Variants in SH3D19 observed in about 807,000 individuals in gnomAD.
The protein encoded by SH3D19 is SH3 domain-containing protein 19.
A neutral mutation model predicts 112.1 loss-of-function variants in SH3D19; 58 were observed. That is an observed-to-expected ratio of 0.52 (90% confidence interval 0.42 to 0.64). The LOEUF is 0.64. Ranked by LOEUF, SH3D19 falls within the 30% of genes least tolerant of loss-of-function variation. The pLI is 0.00. For synonymous variants in SH3D19, 391 were observed against 448.5 expected (o/e 0.87, Z 1.62); for missense variants, 1,090 against 1,263.4 (o/e 0.86, Z 2.08).
intron 2 of SH3D19, among the ~76,000 whole-genome samples, chr4:151,188,302 T>A (rs913846840): frequency 2.0e-5 from 3 of 152,224 alleles, no homozygotes; most frequent in African/African-American, 7.2e-5. Flanking sequence ...TACAACTGTT[T>A]ACAGTAATAC....
chr4:151,218,171 G>T (rs1177757082), intron 2 of SH3D19, among the ~76,000 whole-genome samples: 1 of 152,072 alleles, frequency 6.6e-6, no homozygotes, highest in Non-Finnish European at 1.5e-5. Flanking sequence ...AGAAAAATTT[G>T]CAGAGAAATA....
At chr4:151,254,686 T>C (rs1488537797) in intron 1 of SH3D19, among the ~76,000 whole-genome samples, 1 of 150,620 alleles carries the variant, frequency 6.6e-6, no homozygotes, top group Admixed American at 6.6e-5. Context: ...GTTTTCTTAG[T>C]ACAGAACAAA....
chr4:151,257,860 G>A (rs897020882), intron 1 of SH3D19, among the ~76,000 whole-genome samples: 4 of 152,118 alleles, frequency 2.6e-5, no homozygotes, highest in African/African-American at 7.2e-5. Flanking sequence ...AGTATGCTAC[G>A]ATCATGCCAC....
At chr4:151,216,337 T>C (rs559791029) in intron 2 of SH3D19, among the ~76,000 whole-genome samples, 16 of 152,090 alleles carry the variant, frequency 1.1e-4, no homozygotes, top group African/African-American at 3.6e-4. Flanking sequence ...GGGAAAATAT[T>C]TGAATAAAAA....
intron 8 of SH3D19, among the ~76,000 whole-genome samples, chr4:151,162,655 C>T (rs1016944190): frequency 1.4e-5 from 2 of 143,406 alleles, no homozygotes; most frequent in African/African-American, 2.6e-5. Flanking sequence ...AGGGCAATGG[C>T]GTGATCTCAG....
At chr4:151,179,462 T>A in intron 3 of SH3D19, 65 bp from the exon 4 acceptor site, 1 of 913,206 alleles carries the variant, frequency 1.1e-6, no homozygotes, top group Non-Finnish European at 1.4e-6. Flanking sequence ...TTTAAATTTT[T>A]ACAAAGTACA....
At chr4:151,299,677 A>T (rs781297872) in intron 1 of SH3D19, among the ~76,000 whole-genome samples, 8 of 152,042 alleles carry the variant, frequency 5.3e-5, no homozygotes, top group Non-Finnish European at 1.0e-4. Flanking sequence ...GAGTTCAATG[A>T]AGTTATTTTA....
intron 1 of SH3D19, among the ~76,000 whole-genome samples, chr4:151,255,876 C>T (rs564590902): frequency 2.2e-4 from 34 of 152,318 alleles, no homozygotes; most frequent in Middle Eastern, 6.8e-3. Flanking sequence ...ACCAGTCAGG[C>T]GTGGCGGTGC....
chr4:151,270,023 T>TC (rs1160794787), intron 1 of SH3D19, among the ~76,000 whole-genome samples: 3 of 151,978 alleles, frequency 2.0e-5, no homozygotes, highest in Admixed American at 2.0e-4. Context: ...GCAGAATACT[T>TC]CCTGACAGAC....
At position 151,175,254 on chromosome 4, in the gene SH3D19, A is replaced by G. The variant is rs1363517205; in HGVS notation, c.950T>C (p.Ile317Thr). ...ETSGLPKKPEITPRSLPPKPT... is the reference protein window; with the variant it reads ...ETSGLPKKPETTPRSLPPKPT... ...CTTTGGAGGAAGTGAACGTGGAGTA[A>G]TTTCTGGTTTCTTGGGCAGTCCTGA... is the stretch of plus-strand genomic sequence containing the variant. Residue 317 changes from isoleucine (I) to threonine (T), a missense_variant, in exon 7 of 20, where the codon ATT (isoleucine) becomes ACT (threonine). Transcript: ENST00000604030. 3.7e-6 allele frequency: 6 copies of G among 1,614,098 alleles called. No individual in the cohort carries two copies. The highest frequency in any genetic ancestry group is 5.1e-6 in the Non-Finnish European group (6 of 1,180,008).
intron 1 of SH3D19, among the ~76,000 whole-genome samples, chr4:151,251,349 C>T (rs1018561687): frequency 6.6e-6 from 1 of 152,080 alleles, no homozygotes; most frequent in Non-Finnish European, 1.5e-5. Flanking sequence ...CAGGCGCATA[C>T]CACCATGCCC....
intron 1 of SH3D19, among the ~76,000 whole-genome samples, chr4:151,241,445 G>C (rs527814855): frequency 6.6e-6 from 1 of 151,946 alleles, no homozygotes; most frequent in Admixed American, 6.6e-5. Flanking sequence ...AGAGTTGAAG[G>C]AGTGAAGGCT....
chr4:151,277,790 C>G (rs1052726026), intron 1 of SH3D19, among the ~76,000 whole-genome samples: 1 of 152,158 alleles, frequency 6.6e-6, no homozygotes, highest in Non-Finnish European at 1.5e-5. Context: ...CCTGTAATCC[C>G]AGCACTTTGG....
chr4:151,219,411 C>T (rs934451002), intron 2 of SH3D19, among the ~76,000 whole-genome samples: 4 of 152,270 alleles, frequency 2.6e-5, no homozygotes, highest in South Asian at 4.1e-4. Flanking sequence ...CCTAACTCCC[C>T]GACTGCAAAA....
chr4:151,323,699 A>G (rs1324069372), intron 1 of SH3D19, among the ~76,000 whole-genome samples: 2 of 152,238 alleles, frequency 1.3e-5, no homozygotes, highest in African/African-American at 4.8e-5. Context: ...CAAAGAACCT[A>G]GAAAAGCCTT....
chr4:151,289,689 G>C (rs1775139213), intron 1 of SH3D19, among the ~76,000 whole-genome samples: 1 of 152,150 alleles, frequency 6.6e-6, no homozygotes, highest in Non-Finnish European at 1.5e-5. Flanking sequence ...AAAACTGTTT[G>C]GCAGTTCCTC....
In SH3D19 at chr4:151,325,294, AG is replaced by A; in HGVS notation, c.58del (p.Gly21ValfsTer41). 13 of 1,220,618 alleles carry A rather than the reference AG, an allele frequency of 1.1e-5. No homozygotes were observed. Among genetic ancestry groups the A allele is most frequent in the African/African-American group, 1.6e-5 (1 of 63,940 alleles). The allele number at this position is 1,220,618 out of a possible 1,614,324, so 75.6% of individuals were successfully genotyped here. A position where few individuals can be genotyped will look rare whatever the true frequency, so the allele number is the denominator to read the frequency against. On this transcript the variant is annotated frameshift_variant, in exon 1 of 20. Coordinates refer to ENST00000604030, the MANE Select transcript of SH3D19 (RefSeq NM_001378122.1). LOFTEE classifies it high-confidence loss of function. ...EEEELRERRE[L>X]GGQRRARGRA... is the part of the protein sequence containing the mutation. ...GCCCCGGGCGCGGCGCTGGCCACCAAGTTCGCGGCGCTCGCGTAGCTCTTCC... is the reference window on the plus strand; with the variant it reads ...GCCCCGGGCGCGGCGCTGGCCACCAATTCGCGGCGCTCGCGTAGCTCTTCC...
chr4:151,134,984 G>A, intron 15 of SH3D19, 90 bp downstream of exon 15: 1 of 1,067,410 alleles, frequency 9.4e-7, no homozygotes. Context: ...ACCATGCCTG[G>A]CCTTGGAGTG....
chr4:151,189,905 G>C (rs796666691), intron 2 of SH3D19, among the ~76,000 whole-genome samples: 4 of 152,258 alleles, frequency 2.6e-5, no homozygotes, highest in African/African-American at 9.6e-5. Flanking sequence ...TAGTTTGGAG[G>C]GTTCAGAAGA....
Sources: allele counts gnomAD v4.1 joint callset (sites outside exome capture counted in the v4.1 genomes callset), GRCh38; gene constraint gnomAD v4.1.1; transcripts MANE v1.5; gene names NCBI Gene and HGNC (gene_info 2026-07-23, HGNC 2026-07-21).